The following ZNF326 variants were observed in gnomAD, a reference collection of about 807,000 sequenced individuals.
The protein encoded by ZNF326 is zinc finger protein 326, also known as DBIRD complex subunit ZNF326.
A neutral mutation model predicts 63.1 loss-of-function variants in ZNF326; 30 were observed. That is an observed-to-expected ratio of 0.48 (90% CI 0.36 to 0.64). ZNF326 has a LOEUF of 0.64. ZNF326 is among the 30% of genes least tolerant of loss of function. The pLI is 0.00. For synonymous variants in ZNF326, 194 were observed against 228.2 expected (o/e 0.85, Z 1.35); for missense variants, 609 against 720.3 (o/e 0.85, Z 1.77).
rs1056571878 is a variant in ZNF326 at position 90,033,549 on chromosome 1, A to G, written c.*5848A>G. On this transcript the variant is annotated 3_prime_UTR_variant, in exon 12 of 12. Transcript: ENST00000340281. ...ACTAATTTTAAAAATGCAAGTTGCT[A>G]TAAAGAAGTATCTTGGAAATAAACA... 6.6e-6 allele frequency: 1 copy of G among 152,220 alleles called. No homozygotes were observed. Among genetic ancestry groups the G allele is most frequent in the African/African-American group, 2.4e-5 (1 of 41,472 alleles). The allele number at this position is 152,220 out of a possible 1,614,324, so 9.4% of individuals were successfully genotyped here. A position where few individuals can be genotyped will look rare whatever the true frequency, so the allele number is the denominator to read the frequency against.
chr1:89,998,274 T>C, intron 2 of ZNF326, 120 bp downstream of exon 2: 1 of 858,820 alleles, frequency 1.2e-6, no homozygotes, highest in Admixed American at 2.5e-5. Flanking sequence ...TATGTGTTAA[T>C]ATTGTCTTAC....
Position 90,010,260 on chromosome 1 carries a change from A to C in ZNF326, c.788A>C (p.Glu263Ala). 6.2e-7 allele frequency: 1 copy of C among 1,613,856 alleles called. No homozygotes were observed. The highest frequency in any genetic ancestry group is 8.5e-7 in the Non-Finnish European group (1 of 1,179,800). Residue 263 changes from glutamate to alanine, a missense_variant, in exon 6 of 12, where the codon GAG (glutamate) becomes GCG (alanine). Glu to Ala is a moderately radical substitution (Grantham distance 107, BLOSUM62 -1). This residue lies in a region of ZNF326 where 399 missense variants were observed against 444.3 expected (regional missense o/e 0.90). Coordinates refer to ENST00000340281, the MANE Select transcript of ZNF326 (RefSeq NM_182976.4). ...AAACCCAAACTAGCAAAACCTATGGAGAAGATAAGCCTCAGCAAATCACCC... is the reference window on the plus strand; with the variant it reads ...AAACCCAAACTAGCAAAACCTATGGCGAAGATAAGCCTCAGCAAATCACCC... ...IKKPKLAKPM[E>A]KISLSKSPTK...
chr1:90,019,632 C>G (rs562151509), intron 9 of ZNF326, among the ~76,000 whole-genome samples: 96 of 152,136 alleles, frequency 6.3e-4, no homozygotes, highest in African/African-American at 2.1e-3. Flanking sequence ...GCCCCATTAC[C>G]ATCTCTTTTT....
At position 90,018,691 on chromosome 1, in the gene ZNF326, A is replaced by G. The variant is rs1649616596; in HGVS notation, c.1081A>G (p.Met361Val). ...KVVMEFLHEC[M>V]VNKFKKTSIR... ...TTTCTATTTTGTTTTCTAGGAGTGT[A>G]TGGTGAATAAATTCAAGAAAACATC... The change falls in exon 9 of 12, where the codon ATG becomes GTG. Residue 361 changes from methionine to valine, a missense_variant. Around this residue, in one of 3 missense-constraint regions of ZNF326, gnomAD observed 399 missense variants for 444.3 expected, o/e 0.90. Coordinates refer to ENST00000340281, the MANE Select transcript of ZNF326 (RefSeq NM_182976.4). 2 of 1,570,382 alleles carry G rather than the reference A, an allele frequency of 1.3e-6. No individual in the cohort carries two copies. Among genetic ancestry groups the G allele is most frequent in the South Asian group, 1.2e-5 (1 of 84,566 alleles).
At chr1:89,998,227 C>G in intron 2 of ZNF326, 73 bp downstream of exon 2, 1 of 1,423,042 alleles carries the variant, frequency 7.0e-7, no homozygotes, top group African/African-American at 1.4e-5. Context: ...CCAGTTCTAC[C>G]TATTTCAGTC....
intron 7 of ZNF326, among the ~76,000 whole-genome samples, chr1:90,016,859 G>A (rs950342621): frequency 7.2e-5 from 11 of 152,292 alleles, no homozygotes; most frequent in African/African-American, 2.6e-4. Context: ...GTCTTTAGAA[G>A]GCAAGACTTT....
chr1:90,020,093 C>T (rs535084016), intron 9 of ZNF326, among the ~76,000 whole-genome samples: 20 of 152,006 alleles, frequency 1.3e-4, no homozygotes, highest in African/African-American at 4.6e-4. Flanking sequence ...GTAGTATTTC[C>T]GAAGTAGTTT....
At chr1:90,006,189 A>G (rs1254431988) in intron 4 of ZNF326, 2 of 985,292 alleles carry the variant, frequency 2.0e-6, no homozygotes, top group South Asian at 4.7e-5. Context: ...AGTTGCAACT[A>G]TTTTGCTTAT....
Position 90,014,662 on chromosome 1 carries a change from C to G in ZNF326, c.926+1425C>G, listed in dbSNP as rs578052087. On this transcript the variant is annotated intron_variant, in intron 7 of 11. Coordinates refer to ENST00000340281, the MANE Select transcript of ZNF326 (RefSeq NM_182976.4). ...CCCAGAATTTTGAGGCCAGCCTGGG[C>G]AACGTGGCAAGACCTCATCTCTAAA... Among the ~76,000 whole-genome samples, 5 of 152,260 alleles carry G rather than the reference C, an allele frequency of 3.3e-5. No individual in the cohort carries two copies. In the South Asian group the frequency reaches 1.0e-3, roughly 32 times the overall value.
At position 90,020,972 on chromosome 1, in the gene ZNF326, T is replaced by C; in HGVS notation, c.1305+50T>C. 3 of 1,589,308 alleles carry C rather than the reference T, an allele frequency of 1.9e-6. No homozygotes were observed. In the Admixed American group the frequency reaches 5.2e-5, roughly 28 times the overall value. Reference sequence around the variant, plus strand: ...AAGTTGCCAGATTATCCATCAATCTTTTATTGTTCTTTGGCCATAGCTTCA... The same window carrying C: ...AAGTTGCCAGATTATCCATCAATCTCTTATTGTTCTTTGGCCATAGCTTCA... On this transcript the variant is annotated intron_variant, in intron 10 of 11. Coordinates refer to ENST00000340281, the MANE Select transcript of ZNF326 (RefSeq NM_182976.4).
At chr1:90,015,314 G>A (rs1042393265) in intron 7 of ZNF326, among the ~76,000 whole-genome samples, 2 of 152,150 alleles carry the variant, frequency 1.3e-5, no homozygotes, top group African/African-American at 4.8e-5. Context: ...TGTGAGAGAT[G>A]TACATAAATA....
chr1:90,013,962 G>A (rs572461897), intron 7 of ZNF326, among the ~76,000 whole-genome samples: 4 of 152,250 alleles, frequency 2.6e-5, no homozygotes, highest in Non-Finnish European at 5.9e-5. Context: ...CTACTCGGGA[G>A]GCTGAGGCGG....
chr1:90,005,205 A>G lies in ZNF326; in HGVS notation c.170A>G (p.Tyr57Cys), dbSNP rs1308676620. 2 of 1,614,036 alleles carry G rather than the reference A, an allele frequency of 1.2e-6. No individual in the cohort carries two copies. ...RSMDSYLNQS[Y>C]GMDNHSGGGG... ...ATGGATTCCTACCTAAACCAGTCAT[A>G]TGGCATGGACAATCACAGTGGTGGT... The change falls in exon 4 of 12, where the codon TAT (tyrosine) becomes TGT (cysteine). Residue 57 changes from tyrosine (Y) to cysteine (C), a missense_variant. Tyr to Cys is a radical substitution (Grantham distance 194). Transcript: ENST00000340281.
chr1:90,022,101 G>A (rs776477364), intron 10 of ZNF326, 149 bp from the exon 11 acceptor site: 3 of 579,888 alleles, frequency 5.2e-6, no homozygotes, highest in Admixed American at 6.3e-5. Context: ...GATTTAGACT[G>A]TGGTTATAGT....
intron 7 of ZNF326, among the ~76,000 whole-genome samples, chr1:90,016,385 T>G (rs1258160756): frequency 6.6e-6 from 1 of 152,048 alleles, no homozygotes; most frequent in East Asian, 1.9e-4. Context: ...GTTATGTGAC[T>G]GCTGGCATAA....
At position 90,034,454 on chromosome 1, in the gene ZNF326, A is replaced by G. The variant is rs1650407425; in HGVS notation, c.*6753A>G. ...AAATAGAGGAAACATTTTGAATTATATAGTGCACAAATTTTAATAGCTATA... is the reference window on the plus strand; with the variant it reads ...AAATAGAGGAAACATTTTGAATTATGTAGTGCACAAATTTTAATAGCTATA... On this transcript the variant is annotated 3_prime_UTR_variant, in exon 12 of 12. Coordinates refer to ENST00000340281, the MANE Select transcript of ZNF326 (RefSeq NM_182976.4). The G allele has an allele frequency of 6.6e-6, 1 of 152,330 alleles. No homozygotes were observed. Among genetic ancestry groups the G allele is most frequent in the Non-Finnish European group, 1.5e-5 (1 of 68,004 alleles). 9.4% of individuals were successfully genotyped at this position (152,330 alleles called of 1,614,324 possible). A position where few individuals can be genotyped will look rare whatever the true frequency, so the allele number is the denominator to read the frequency against.
chr1:90,014,357 C>T (rs990498592), intron 7 of ZNF326, among the ~76,000 whole-genome samples: 64 of 151,920 alleles, frequency 4.2e-4, no homozygotes, highest in African/African-American at 1.4e-3. Flanking sequence ...TAAAACATCA[C>T]CCAAATTATT....
At chr1:89,996,809 G>A (rs1648402742) in intron 1 of ZNF326, among the ~76,000 whole-genome samples, 1 of 151,954 alleles carries the variant, frequency 6.6e-6, no homozygotes, top group Admixed American at 6.6e-5. Context: ...AGAGTTGGGA[G>A]TGAAAATAAA....
rs901457824 is a variant in ZNF326 at position 90,035,506 on chromosome 1, T to A, written c.*7805T>A. On this transcript the variant is annotated 3_prime_UTR_variant, in exon 12 of 12. Coordinates refer to ENST00000340281, the MANE Select transcript of ZNF326 (RefSeq NM_182976.4). ...TTATGAGGAAAATGATACATTTTAA[T>A]GGAGGAAATAAAATGCCTGAATAAA... The A allele has an allele frequency of 3.9e-5, 6 of 152,208 alleles. No homozygotes were observed. Among genetic ancestry groups the A allele is most frequent in the Admixed American group, 3.9e-4 (6 of 15,270 alleles). 9.4% of individuals were successfully genotyped at this position (152,208 alleles called of 1,614,324 possible). A position where few individuals can be genotyped will look rare whatever the true frequency, so the allele number is the denominator to read the frequency against.
Sources: gnomAD v4.1 joint callset for allele counts (sites outside exome capture counted in the v4.1 genomes callset) on GRCh38, gnomAD v4.1.1 for gene constraint, gnomAD v4.1.1 regional missense constraint, MANE v1.5 for transcripts, NCBI Gene and HGNC (gene_info 2026-07-23, HGNC 2026-07-21) for gene names.